Variants in CACNA2D2 observed in about 807,000 individuals in gnomAD.
The protein encoded by CACNA2D2 is voltage-dependent calcium channel subunit alpha-2/delta-2.
Under a neutral mutation model 166.4 loss-of-function variants are expected in CACNA2D2, and 48 were observed. The ratio of observed to expected loss-of-function variants is 0.29; its 90% confidence interval spans 0.23 to 0.37. The LOEUF (loss-of-function observed/expected upper bound fraction) is 0.37. Ranked by LOEUF, CACNA2D2 falls within the 10% of genes least tolerant of loss-of-function variation. CACNA2D2 has a pLI of 1.00. For missense variants in CACNA2D2, 1,122 were observed against 1,433.0 expected (o/e 0.78, Z 3.50); for synonymous variants, 561 against 573.7 (o/e 0.98, Z 0.32).
At chr3:50,487,843 A>C (rs1381123325) in intron 1 of CACNA2D2, among the ~76,000 whole-genome samples, 2 of 152,122 alleles carry the variant, frequency 1.3e-5, no homozygotes, top group Non-Finnish European at 2.9e-5. Flanking sequence ...CTCCCCACCT[A>C]GTCACTCACT....
intron 3 of CACNA2D2, among the ~76,000 whole-genome samples, chr3:50,418,595 C>T (rs1463952547): frequency 6.6e-6 from 1 of 152,226 alleles, no homozygotes; most frequent in Non-Finnish European, 1.5e-5. Flanking sequence ...CAGGAAGCCT[C>T]AGGAGGGGAA....
At chr3:50,369,461 A>G (rs1352369998) in intron 23 of CACNA2D2, among the ~76,000 whole-genome samples, 2 of 152,236 alleles carry the variant, frequency 1.3e-5, no homozygotes, top group African/African-American at 2.4e-5. Flanking sequence ...ACATATGTAC[A>G]TGGTGACTCA....
chr3:50,503,040 G>A (rs1196301832), intron 1 of CACNA2D2, among the ~76,000 whole-genome samples, 178 bp downstream of exon 1: 2 of 152,210 alleles, frequency 1.3e-5, no homozygotes, highest in African/African-American at 2.4e-5. Flanking sequence ...CGCAGCCAGA[G>A]CGCCGGGACC....
chr3:50,461,990 A>G (rs994658789), intron 2 of CACNA2D2, among the ~76,000 whole-genome samples: 10 of 152,150 alleles, frequency 6.6e-5, no homozygotes, highest in Admixed American at 5.2e-4. Flanking sequence ...TGGAAGGTAA[A>G]TTTAATTTAA....
intron 6 of CACNA2D2, among the ~76,000 whole-genome samples, chr3:50,381,506 GCATGCACTC>G (rs1705312991): frequency 6.6e-6 from 1 of 152,226 alleles, no homozygotes; most frequent in Admixed American, 6.5e-5. Context: ...CACCCATTCA[GCATGCACTC>G]CAGGCTTCAG....
intron 1 of CACNA2D2, among the ~76,000 whole-genome samples, chr3:50,494,971 C>T (rs773714931): frequency 5.9e-5 from 9 of 152,168 alleles, no homozygotes; most frequent in Non-Finnish European, 1.0e-4. Context: ...CCACTGCACC[C>T]GGCTGGATAT....
intron 2 of CACNA2D2, among the ~76,000 whole-genome samples, chr3:50,444,233 C>A (rs1262605713): frequency 2.0e-5 from 3 of 152,158 alleles, no homozygotes; most frequent in Non-Finnish European, 4.4e-5. Flanking sequence ...GTAACAAGGG[C>A]ACCCTGGAGG....
intron 3 of CACNA2D2, among the ~76,000 whole-genome samples, chr3:50,420,763 C>T (rs1034408): frequency 0.088 from 13,362 of 152,254 alleles, 1,781 homozygotes; most frequent in African/African-American, 0.29. Context: ...TGGCACAGCC[C>T]ATCCATGTGT....
intron 1 of CACNA2D2, 23 bp downstream of exon 1, chr3:50,503,195 C>T (rs1367278155): frequency 3.4e-6 from 4 of 1,176,906 alleles, no homozygotes; most frequent in Admixed American, 4.6e-5. Flanking sequence ...GCCGGGGTCT[C>T]GCGGCCGGCC....
At chr3:50,480,027 C>G (rs1387987879) in intron 1 of CACNA2D2, among the ~76,000 whole-genome samples, 2 of 152,100 alleles carry the variant, frequency 1.3e-5, no homozygotes, top group East Asian at 3.9e-4. Context: ...GGTGTGGGCA[C>G]AAGAGACTAG....
In CACNA2D2 at chr3:50,434,496, T is replaced by C. The variant is rs1010572659; in HGVS notation, c.289-67A>G. ...ACGTCCTCATGCCATGGGCCCTGCA[T>C]ACCCCTCTGCACAGCTCACCTCAGC... On this transcript the variant is annotated intron_variant, in intron 2 of 37. Transcript: ENST00000424201. The C allele has an allele frequency of 2.7e-6, 3 of 1,112,212 alleles. No homozygotes were observed. In the South Asian group the frequency reaches 3.7e-5, roughly 14 times the overall value. The allele number at this position is 1,112,212 out of a possible 1,614,324, so 68.9% of individuals were successfully genotyped here. A position where few individuals can be genotyped will look rare whatever the true frequency, so the allele number is the denominator to read the frequency against.
chr3:50,504,173 C>T (rs1699103555), upstream of CACNA2D2: 1 of 152,296 alleles, frequency 6.6e-6, no homozygotes, highest in Non-Finnish European at 1.5e-5. Flanking sequence ...TAAGCGGAAA[C>T]CTGGGCACGG....
Position 50,394,180 on chromosome 3 carries a change from A to G in CACNA2D2, c.406-12T>C, listed in dbSNP as rs1164745620. ...GCATCAGCCAGTCTCTGAGGGACAG[A>G]GCACAGGGAGGTCAGAAGCGGAGGA... On this transcript the variant is annotated splice_polypyrimidine_tract_variant and intron_variant, in intron 3 of 37. Coordinates refer to ENST00000424201, the MANE Select transcript of CACNA2D2 (RefSeq NM_006030.4). 2 of 1,613,512 alleles carry G rather than the reference A, an allele frequency of 1.2e-6. No individual in the cohort carries two copies. The highest frequency in any genetic ancestry group is 1.7e-6 in the Non-Finnish European group (2 of 1,179,480).
At chr3:50,488,551 G>A (rs972255786) in intron 1 of CACNA2D2, among the ~76,000 whole-genome samples, 2 of 151,840 alleles carry the variant, frequency 1.3e-5, no homozygotes, top group African/African-American at 4.8e-5. Context: ...AACATTAGAG[G>A]CTGGGGATAT....
chr3:50,428,961 G>A (rs1707930664), intron 3 of CACNA2D2, among the ~76,000 whole-genome samples: 1 of 152,220 alleles, frequency 6.6e-6, no homozygotes, highest in South Asian at 2.1e-4. Context: ...CAGGTGCCGT[G>A]GCTCACACCT....
At chr3:50,473,689 A>T (rs1710192004) in intron 2 of CACNA2D2, among the ~76,000 whole-genome samples, 6 of 152,188 alleles carry the variant, frequency 3.9e-5, no homozygotes, top group Admixed American at 3.3e-4. Context: ...AGTCGGGGTC[A>T]GGGGTGAGTT....
chr3:50,369,767 G>A (rs995050989), intron 23 of CACNA2D2, among the ~76,000 whole-genome samples: 2 of 152,230 alleles, frequency 1.3e-5, no homozygotes, highest in Non-Finnish European at 2.9e-5. Flanking sequence ...GGGCTTGCTC[G>A]GGGCCCCGTC....
chr3:50,370,440 C>A lies in CACNA2D2; in HGVS notation c.1985-60G>T, dbSNP rs1465955300. On this transcript the variant is annotated intron_variant, in intron 22 of 37. Coordinates refer to ENST00000424201, the MANE Select transcript of CACNA2D2 (RefSeq NM_006030.4). ...TGGGGAGGCTGGAGGCCGGGGGGCT[C>A]AGAGCTGACGGGGCTGGAAGGACAG... is the stretch of plus-strand genomic sequence containing the variant. 2.4e-5 allele frequency: 16 copies of A among 654,032 alleles called. 1 individual carries two copies. The East Asian group carries it at 4.9e-4, about 20-fold the overall frequency. 40.5% of individuals were successfully genotyped at this position (654,032 alleles called of 1,614,324 possible). A position where few individuals can be genotyped will look rare whatever the true frequency, so the allele number is the denominator to read the frequency against.
chr3:50,494,743 C>T (rs1239346868), intron 1 of CACNA2D2, among the ~76,000 whole-genome samples: 2 of 152,190 alleles, frequency 1.3e-5, no homozygotes, highest in African/African-American at 4.8e-5. Context: ...GGCACCATCA[C>T]AGCTCCCTAT....
Sources: allele counts gnomAD v4.1 joint callset (sites outside exome capture counted in the v4.1 genomes callset), GRCh38; gene constraint gnomAD v4.1.1; transcripts MANE v1.5; gene names NCBI Gene and HGNC (gene_info 2026-07-23, HGNC 2026-07-21).